DOCK8: variants seen among roughly 807,000 people sequenced by gnomAD.
The protein encoded by DOCK8 is dedicator of cytokinesis protein 8.
DOCK8 carries 141 observed loss-of-function variants against 245.6 expected under a neutral mutation model. The ratio of observed to expected loss-of-function variants is 0.57; its 90% CI spans 0.50 to 0.66. DOCK8 has a LOEUF of 0.66. Ranked by LOEUF, DOCK8 falls within the 30% of genes least tolerant of loss-of-function variation. The probability of loss-of-function intolerance (pLI) is 0.00; values close to 1 mark genes in which losing one functional copy is unlikely to be tolerated. For synonymous variants in DOCK8, 1,168 were observed against 970.2 expected, an observed-to-expected ratio of 1.20 and a Z score of -3.79; for missense variants, 2,965 against 2,603.4, an observed-to-expected ratio of 1.14 and a Z score of -3.02.
chr9:410,095 G>T (rs1428487482), intron 28 of DOCK8, among the ~76,000 whole-genome samples: 2 of 152,012 alleles, frequency 1.3e-5, no homozygotes, highest in African/African-American at 4.8e-5. Flanking sequence ...CTATGACTAG[G>T]TTCCAGATAC....
At chr9:291,992 C>T (rs565942470) in intron 4 of DOCK8, among the ~76,000 whole-genome samples, 1 of 146,434 alleles carries the variant, frequency 6.8e-6, no homozygotes, top group African/African-American at 2.5e-5. Flanking sequence ...ATCACTTGAG[C>T]CCAGGAGGTC....
chr9:407,220 ACC>A (rs777563129), intron 28 of DOCK8, 151 bp downstream of exon 28: 16 of 1,221,842 alleles, frequency 1.3e-5, no homozygotes, highest in East Asian at 1.0e-4. Context: ...AGAATATGGT[ACC>A]CATAAGCACA....
chr9:453,900 C>G (rs1168809991), intron 46 of DOCK8, among the ~76,000 whole-genome samples: 1 of 152,106 alleles, frequency 6.6e-6, no homozygotes, highest in Non-Finnish European at 1.5e-5. Context: ...TCTAAAAGGA[C>G]CTATGAAATG....
At chr9:353,143 T>A (rs1457243849) in intron 14 of DOCK8, among the ~76,000 whole-genome samples, 6 of 152,192 alleles carry the variant, frequency 3.9e-5, no homozygotes, top group Non-Finnish European at 2.9e-5. Context: ...ACCATGCTGA[T>A]CTATGCAATG....
intron 15 of DOCK8, chr9:370,026 C>T (rs2053212785): frequency 3.3e-6 from 2 of 610,396 alleles, no homozygotes; most frequent in East Asian, 2.9e-5. Context: ...TGGTCTCCAA[C>T]TCCTGGGCTC....
chr9:441,815 A>C, intron 41 of DOCK8, 60 bp from the exon 42 acceptor site: 2 of 1,602,596 alleles, frequency 1.2e-6, no homozygotes. Flanking sequence ...TGCCCTTTGC[A>C]ACTCAGTGGC....
In DOCK8 at chr9:382,704, C is replaced by T. The variant is rs368796632; in HGVS notation, c.2778+19C>T. 1.4e-5 allele frequency: 22 copies of T among 1,613,730 alleles called. No individual in the cohort carries two copies. Among genetic ancestry groups the T allele is most frequent in the Admixed American group, 3.3e-5 (2 of 59,966 alleles). On this transcript the variant is annotated intron_variant, in intron 22 of 47. Coordinates refer to ENST00000432829, the MANE Select transcript of DOCK8 (RefSeq NM_203447.4). The stretch of plus-strand genomic sequence containing the variant: ...TTCAAAGGTAGGAAAGATGTCAAAC[C>T]GTGGAAGGGGACACAGGCTTTTTTA...
chr9:405,199 C>A lies in DOCK8; in HGVS notation c.3390+126C>A, dbSNP rs1006233334. 5 of 991,922 alleles carry A rather than the reference C, an allele frequency of 5.0e-6. No individual in the cohort carries two copies. The African/African-American group carries it at 6.5e-5, about 13-fold the overall frequency. 61.4% of individuals were successfully genotyped at this position (991,922 alleles called of 1,614,324 possible). On this transcript the variant is annotated intron_variant, in intron 27 of 47. Coordinates refer to ENST00000432829, the MANE Select transcript of DOCK8 (RefSeq NM_203447.4). ...TGACAAAAAATCAAACAATTCAAAC[C>A]AGATCAAGTATGCTACCCTGAAGTT... is the stretch of plus-strand genomic sequence containing the variant.
intron 14 of DOCK8, among the ~76,000 whole-genome samples, chr9:357,669 G>A (rs10972223): frequency 0.13 from 19,600 of 152,008 alleles, 3,020 homozygotes; most frequent in African/African-American, 0.37. Context: ...CAGTACCAGC[G>A]TTTATGTGAA....
In DOCK8 at chr9:301,106, A is replaced by C. The variant is rs115362295; in HGVS notation, c.405-3475A>C. ...CAAAAATCCTCAACAAAATACTACA[A>C]ACCAAATCCAGCAGCACATTGAAAA... On this transcript the variant is annotated intron_variant, in intron 4 of 47. Coordinates refer to ENST00000432829, the MANE Select transcript of DOCK8 (RefSeq NM_203447.4). Among the ~76,000 whole-genome samples, 1,036 of 152,288 alleles carry C rather than the reference A, an allele frequency of 6.8e-3. 17 individuals are homozygous for C. Among genetic ancestry groups the C allele is most frequent in the African/African-American group, 0.024 (986 of 41,550 alleles).
chr9:375,902 C>T (rs4455903), intron 18 of DOCK8, among the ~76,000 whole-genome samples: 139,614 of 152,210 alleles, frequency 0.92, 64,032 homozygotes, highest in South Asian at 0.96. Context: ...GAGACTGAGA[C>T]GGGAGGATCA....
intron 9 of DOCK8, among the ~76,000 whole-genome samples, chr9:328,606 C>A (rs984934344): frequency 6.6e-6 from 1 of 152,210 alleles, no homozygotes; most frequent in African/African-American, 2.4e-5. Context: ...GGAACAAAAT[C>A]TCTGGGCTAG....
chr9:290,155 A>T (rs947584018), intron 4 of DOCK8, among the ~76,000 whole-genome samples: 1 of 152,258 alleles, frequency 6.6e-6, no homozygotes, highest in Non-Finnish European at 1.5e-5. Flanking sequence ...TATTTTAAAC[A>T]TAAAGAATAG....
intron 46 of DOCK8, chr9:452,503 T>A (rs527788052): frequency 6.0e-6 from 1 of 166,224 alleles, no homozygotes; most frequent in African/African-American, 2.4e-5. Flanking sequence ...AGAGAGGAGA[T>A]AATTTTACTT....
At chr9:227,104 C>G (rs1216656450) in intron 1 of DOCK8, among the ~76,000 whole-genome samples, 3 of 152,116 alleles carry the variant, frequency 2.0e-5, no homozygotes, top group Non-Finnish European at 2.9e-5. Flanking sequence ...GTACTTGGGA[C>G]ATGCATGTAT....
intron 16 of DOCK8, among the ~76,000 whole-genome samples, chr9:370,506 A>C (rs748841106): frequency 1.3e-5 from 2 of 152,208 alleles, no homozygotes; most frequent in Non-Finnish European, 2.9e-5. Flanking sequence ...TGTCTTCAAG[A>C]ATCCAATATA....
In DOCK8 at chr9:314,979, A is replaced by T. The variant is rs534330566; in HGVS notation, c.742-2064A>T. 4.6e-5 allele frequency among the ~76,000 whole-genome samples: 7 copies of T among 152,350 alleles called. No individual in the cohort carries two copies. The South Asian group carries it at 1.5e-3, about 32-fold the overall frequency. On this transcript the variant is annotated intron_variant, in intron 6 of 47. Transcript: ENST00000432829. ...CATTCTGAGTCTACAAAAGGCGGTT[A>T]TTCTACAAAAGGCATTCTATGTCAA... is the stretch of plus-strand genomic sequence containing the variant.
chr9:225,514 A>C (rs1172161300), intron 1 of DOCK8, among the ~76,000 whole-genome samples: 1 of 152,212 alleles, frequency 6.6e-6, no homozygotes, highest in Non-Finnish European at 1.5e-5. Context: ...CTGCTTCTGC[A>C]GACAGTTTAA....
At chr9:405,502 G>T (rs558230110) in intron 27 of DOCK8, among the ~76,000 whole-genome samples, 1 of 152,302 alleles carries the variant, frequency 6.6e-6, no homozygotes, top group African/African-American at 2.4e-5. Context: ...AATTGCAAAT[G>T]CACGAGAAGC....
Sources: allele counts gnomAD v4.1 joint callset (sites outside exome capture counted in the v4.1 genomes callset), GRCh38; gene constraint gnomAD v4.1.1; transcripts MANE v1.5; gene names NCBI Gene and HGNC (gene_info 2026-07-23, HGNC 2026-07-21).